ZNF706: variants seen among roughly 807,000 people sequenced by gnomAD.
ZNF706 encodes the protein zinc finger protein 706.
Under a neutral mutation model 9.2 loss-of-function variants are expected in ZNF706, and 4 were observed. The observed-to-expected ratio is 0.43, with a 90% CI of 0.21 to 0.99. The LOEUF (loss-of-function observed/expected upper bound fraction) is 0.99. ZNF706 is among the 50% of genes least tolerant of loss of function. ZNF706 has a pLI of 0.26. For synonymous variants in ZNF706, 28 were observed against 27.3 expected (o/e 1.03, Z -0.08); for missense variants, 27 against 87.8 (o/e 0.31, Z 2.77).
chr8:101,197,681 G>A lies in ZNF706; in HGVS notation c.*1571C>T, dbSNP rs1416304350. 1 of 152,160 alleles carries A rather than the reference G, an allele frequency of 6.6e-6. No homozygotes were observed. The highest frequency in any genetic ancestry group is 1.5e-5 in the Non-Finnish European group (1 of 68,012). The allele number at this position is 152,160 out of a possible 1,614,324, so 9.4% of individuals were successfully genotyped here. A position where few individuals can be genotyped will look rare whatever the true frequency, so the allele number is the denominator to read the frequency against. On this transcript the variant is annotated 3_prime_UTR_variant, in exon 4 of 4. Transcript: ENST00000311212. ...ACAAGAAATTAGGTAAAATTCTAAC[G>A]TTCTGGTAATCGACATGTTAGGAAA...
In ZNF706 at chr8:101,198,014, G is replaced by A. The variant is rs1174165027; in HGVS notation, c.*1238C>T. On this transcript the variant is annotated 3_prime_UTR_variant, in exon 4 of 4. Coordinates refer to ENST00000311212, the MANE Select transcript of ZNF706 (RefSeq NM_016096.5). ...TTATATTAATTTAAAAATTTAAACCGAGTTAACAGCAGTTTTACAAGTTAA... is the reference window on the plus strand; with the variant it reads ...TTATATTAATTTAAAAATTTAAACCAAGTTAACAGCAGTTTTACAAGTTAA... The A allele has an allele frequency of 2.6e-5, 4 of 152,066 alleles. No individual in the cohort carries two copies. Among genetic ancestry groups the A allele is most frequent in the Admixed American group, 6.6e-5 (1 of 15,264 alleles). The allele number at this position is 152,066 out of a possible 1,614,324, so 9.4% of individuals were successfully genotyped here.
rs1302885659 is a variant in ZNF706, at chr8:101,201,816, C to A, written c.-2-73G>T. Reference sequence around the variant, plus strand: ...AGAGTAATCAAAGCATAAGAACGTTCTTAGAATTGAAGCCTTAAGTTTTAT... The same window carrying A: ...AGAGTAATCAAAGCATAAGAACGTTATTAGAATTGAAGCCTTAAGTTTTAT... On this transcript the variant is annotated intron_variant, in intron 1 of 3. Coordinates refer to ENST00000311212, the MANE Select transcript of ZNF706 (RefSeq NM_016096.5). The surrounding 1 kb of genome is among the most constrained non-coding windows in gnomAD (Gnocchi z 4.5). The A allele has an allele frequency of 1.4e-6, 2 of 1,478,902 alleles. No individual in the cohort carries two copies. Among genetic ancestry groups the A allele is most frequent in the South Asian group, 1.3e-5 (1 of 78,122 alleles). The allele number at this position is 1,478,902 out of a possible 1,614,324, so 91.6% of individuals were successfully genotyped here.
chr8:101,204,895 C>T (rs1810696362), intron 1 of ZNF706: 2 of 985,624 alleles, frequency 2.0e-6, no homozygotes, highest in Admixed American at 6.1e-5. Context: ...CACATCCTGA[C>T]CCTAGCTTTT....
intron 1 of ZNF706, chr8:101,202,806 C>T (rs1014064528): frequency 8.5e-5 from 13 of 152,188 alleles, no homozygotes; most frequent in Admixed American, 6.5e-5. Flanking sequence ...GATCACTCTG[C>T]AAAAGTAATT....
chr8:101,206,167 C>A (rs892096975), upstream of ZNF706: 1 of 152,264 alleles, frequency 6.6e-6, no homozygotes, highest in Non-Finnish European at 1.5e-5. Flanking sequence ...CGGAGCCCCG[C>A]CACCCAGGAC....
chr8:101,205,646 T>G lies in ZNF706; in HGVS notation c.-214A>C, dbSNP rs1810743305. On this transcript the variant is annotated 5_prime_UTR_variant, in exon 1 of 4. Coordinates refer to ENST00000311212, the MANE Select transcript of ZNF706 (RefSeq NM_016096.5). The surrounding 1 kb of genome is among the most constrained non-coding windows in gnomAD (Gnocchi z 6.6). The stretch of plus-strand genomic sequence containing the variant: ...CCGCCTCAGCCTTAGGGGAGACCAC[T>G]ACGCCTCGTGCCCGCGCACGCCGCG... 6.5e-6 allele frequency: 1 copy of G among 154,912 alleles called. No homozygotes were observed. Among genetic ancestry groups the G allele is most frequent in the Non-Finnish European group, 1.4e-5 (1 of 70,160 alleles). 9.6% of individuals were successfully genotyped at this position (154,912 alleles called of 1,614,324 possible). A position where few individuals can be genotyped will look rare whatever the true frequency, so the allele number is the denominator to read the frequency against.
intron 1 of ZNF706, chr8:101,204,412 G>C (rs1189757585): frequency 2.6e-5 from 4 of 156,064 alleles, no homozygotes; most frequent in African/African-American, 9.6e-5. Context: ...ACCAGGTAAA[G>C]GAAATGGAAT....
intron 2 of ZNF706, chr8:101,200,736 C>T (rs1290447146): frequency 1.3e-5 from 2 of 152,898 alleles, no homozygotes; most frequent in Non-Finnish European, 2.9e-5. Context: ...TGCTCAATTT[C>T]ATTATTTTGA....
chr8:101,204,518 C>T (rs901105329), intron 1 of ZNF706: 4 of 648,560 alleles, frequency 6.2e-6, no homozygotes, highest in African/African-American at 6.0e-5. Flanking sequence ...AACCAACCAC[C>T]TGCTTTTGGA....
At chr8:101,205,697 G>C (rs547698367), upstream of ZNF706, 3 of 152,004 alleles carry the variant, frequency 2.0e-5, no homozygotes, top group Admixed American at 2.0e-4. This position sits in a 1 kb window ranked among gnomAD's most constrained non-coding sequence, Gnocchi z 6.6. Flanking sequence ...CCCCCGCCCC[G>C]CCTGCTCCTC....
At chr8:101,200,194 T>C (rs1810509043) in intron 2 of ZNF706, 97 bp from the exon 3 acceptor site, 1 of 927,766 alleles carries the variant, frequency 1.1e-6, no homozygotes, top group Non-Finnish European at 1.7e-6. Flanking sequence ...TAGACAATTA[T>C]CCCAAAAACA....
rs1416145058 is a variant in ZNF706, at chr8:101,197,992, T to C, written c.*1260A>G. The stretch of plus-strand genomic sequence containing the variant: ...AAGTATTTTAGTGTTCTTTCTATTA[T>C]ATTAATTTAAAAATTTAAACCGAGT... On this transcript the variant is annotated 3_prime_UTR_variant, in exon 4 of 4. Transcript: ENST00000311212. 1.3e-5 allele frequency: 2 copies of C among 152,220 alleles called. No homozygotes were observed. The highest frequency in any genetic ancestry group is 6.5e-5 in the Admixed American group (1 of 15,282). The allele number at this position is 152,220 out of a possible 1,614,324, so 9.4% of individuals were successfully genotyped here.
Position 101,205,115 on chromosome 8 carries a change from C to T in ZNF706, c.-3+320G>A, listed in dbSNP as rs1049598134. On this transcript the variant is annotated intron_variant, in intron 1 of 3. Transcript: ENST00000311212. This position sits in a 1 kb window ranked among gnomAD's most constrained non-coding sequence, Gnocchi z 6.6. ...CGGACCCTGGACCAAGACGCGCCTC[C>T]TGGAGGCCGAGACTGCCCGAAACCC... is the stretch of plus-strand genomic sequence containing the variant. 2.9e-5 allele frequency: 6 copies of T among 204,392 alleles called. No individual in the cohort carries two copies. The highest frequency in any genetic ancestry group is 1.4e-4 in the African/African-American group (6 of 42,410). The allele number at this position is 204,392 out of a possible 1,614,324, so 12.7% of individuals were successfully genotyped here.
chr8:101,205,515 G>T lies in ZNF706; in HGVS notation c.-83C>A, dbSNP rs1586270995. 1 of 155,168 alleles carries T rather than the reference G, an allele frequency of 6.4e-6. No individual in the cohort carries two copies. 9.6% of individuals were successfully genotyped at this position (155,168 alleles called of 1,614,324 possible). A position where few individuals can be genotyped will look rare whatever the true frequency, so the allele number is the denominator to read the frequency against. Reference sequence around the variant, plus strand: ...AGGACGCCGGAGGGAAAGGAAGGGGGAGCGCGCCCAGCACCGCTTGGGCCT... The same window carrying T: ...AGGACGCCGGAGGGAAAGGAAGGGGTAGCGCGCCCAGCACCGCTTGGGCCT... On this transcript the variant is annotated 5_prime_UTR_variant, in exon 1 of 4. Transcript: ENST00000311212. This position sits in a 1 kb window ranked among gnomAD's most constrained non-coding sequence, Gnocchi z 6.6.
chr8:101,204,220 G>A (rs958867140), intron 1 of ZNF706: 1 of 152,184 alleles, frequency 6.6e-6, no homozygotes, highest in Non-Finnish European at 1.5e-5. Flanking sequence ...CTCGTACAAA[G>A]CAATGTCATT....
In ZNF706 at chr8:101,205,663, C is replaced by T. The variant is rs1016497716; in HGVS notation, c.-231G>A. 1.3e-5 allele frequency: 2 copies of T among 155,436 alleles called. No individual in the cohort carries two copies. Among genetic ancestry groups the T allele is most frequent in the Admixed American group, 6.5e-5 (1 of 15,276 alleles). 9.6% of individuals were successfully genotyped at this position (155,436 alleles called of 1,614,324 possible). A position where few individuals can be genotyped will look rare whatever the true frequency, so the allele number is the denominator to read the frequency against. On this transcript the variant is annotated 5_prime_UTR_variant, in exon 1 of 4. Transcript: ENST00000311212. The surrounding 1 kb of genome is among the most constrained non-coding windows in gnomAD (Gnocchi z 6.6). ...GAGACCACTACGCCTCGTGCCCGCG[C>T]ACGCCGCGCCGCTCTCCTCGGCGCC...
chr8:101,202,475 CA>C (rs1175507959), intron 1 of ZNF706: 3 of 151,774 alleles, frequency 2.0e-5, no homozygotes, highest in African/African-American at 7.3e-5. Flanking sequence ...TAAACAAACA[CA>C]CAAACAAAAA....
chr8:101,203,533 A>G (rs1250998242), intron 1 of ZNF706: 2 of 152,204 alleles, frequency 1.3e-5, no homozygotes, highest in African/African-American at 4.8e-5. Flanking sequence ...CTAAAAAAAT[A>G]CACTGATTGG....
intron 1 of ZNF706, chr8:101,204,611 C>A: frequency 1.0e-6 from 1 of 985,260 alleles, no homozygotes; most frequent in Non-Finnish European, 1.2e-6. Flanking sequence ...TGATTAAATG[C>A]GACAAACTGG....
Sources: allele counts gnomAD v4.1 joint callset, GRCh38; gene constraint gnomAD v4.1.1; non-coding constraint Gnocchi (gnomAD v3.1); transcripts MANE v1.5; gene names NCBI Gene and HGNC (gene_info 2026-07-23, HGNC 2026-07-21).